ADRA1B: variants seen among roughly 807,000 people sequenced by gnomAD.
ADRA1B encodes alpha-1B adrenergic receptor.
A neutral mutation model predicts 17.9 loss-of-function variants in ADRA1B; 17 were observed. The observed-to-expected ratio is 0.95, with a 90% CI of 0.65 to 1.42. The LOEUF is 1.42. ADRA1B is among the 40% of genes most tolerant of loss of function. The pLI is 0.00. For synonymous variants in ADRA1B, 366 were observed against 327.6 expected (o/e 1.12, Z -1.27); for missense variants, 681 against 722.1 (o/e 0.94, Z 0.65).
At chr5:159,985,488 C>A in the ADRA1B span, among the ~76,000 whole-genome samples, 1 of 152,190 alleles carries the variant, frequency 6.6e-6, no homozygotes, top group African/African-American at 2.4e-5. Context: ...TCTGGCCAGG[C>A]CCCAAGTAGT....
intron 1 of ADRA1B, among the ~76,000 whole-genome samples, chr5:159,938,407 T>C (rs944336284): frequency 6.6e-6 from 1 of 152,248 alleles, no homozygotes; most frequent in African/African-American, 2.4e-5. Flanking sequence ...TTAGGGAATA[T>C]GGAAGACCAC....
At chr5:159,941,058 G>A (rs372482379) in intron 1 of ADRA1B, among the ~76,000 whole-genome samples, 1 of 152,182 alleles carries the variant, frequency 6.6e-6, no homozygotes, top group Non-Finnish European at 1.5e-5. Context: ...TCACTTCTCC[G>A]ATAACTTTAT....
chr5:159,971,617 C>G (rs771564981), intron 1 of ADRA1B, among the ~76,000 whole-genome samples: 2 of 152,134 alleles, frequency 1.3e-5, no homozygotes, highest in Non-Finnish European at 2.9e-5. Flanking sequence ...ACTATAGGAG[C>G]TTAGATGCTG....
In ADRA1B at chr5:159,972,602, A is replaced by C; in HGVS notation, c.*110A>C. On this transcript the variant is annotated 3_prime_UTR_variant, in exon 2 of 2. Coordinates refer to ENST00000306675, the MANE Select transcript of ADRA1B (RefSeq NM_000679.4). Reference sequence around the variant, plus strand: ...TCCACGCCGGGTAGACGCGCGCCCCAAGGGGAACCGGGGGGAGGGCCGGGG... The same window carrying C: ...TCCACGCCGGGTAGACGCGCGCCCCCAGGGGAACCGGGGGGAGGGCCGGGG... 3 of 563,056 alleles carry C rather than the reference A, an allele frequency of 5.3e-6. No homozygotes were observed. The highest frequency in any genetic ancestry group is 5.3e-5 in the Admixed American group (1 of 18,860). 34.9% of individuals were successfully genotyped at this position (563,056 alleles called of 1,614,324 possible).
intron 1 of ADRA1B, among the ~76,000 whole-genome samples, chr5:159,876,890 G>A (rs145692471): frequency 4.6e-5 from 7 of 152,290 alleles, no homozygotes; most frequent in South Asian, 2.1e-4. Flanking sequence ...CCCTTTCACC[G>A]TTAGGGGCCT....
At chr5:159,929,525 C>T (rs1023830494) in intron 1 of ADRA1B, among the ~76,000 whole-genome samples, 2 of 150,706 alleles carry the variant, frequency 1.3e-5, no homozygotes, top group Admixed American at 6.6e-5. Flanking sequence ...AGAATAAAAA[C>T]CCTGCCTCGG....
intron 1 of ADRA1B, among the ~76,000 whole-genome samples, chr5:159,949,008 A>T (rs565537094): frequency 3.9e-5 from 6 of 152,198 alleles, no homozygotes; most frequent in Non-Finnish European, 7.3e-5. Context: ...AGTGACATAG[A>T]TAATAAGTAG....
At chr5:159,965,533 T>C (rs923393576) in intron 1 of ADRA1B, among the ~76,000 whole-genome samples, 28 of 152,232 alleles carry the variant, frequency 1.8e-4, no homozygotes, top group African/African-American at 6.5e-4. Context: ...AAACGATCCC[T>C]GCCACACATC....
At chr5:159,934,766 C>T (rs535327702) in intron 1 of ADRA1B, among the ~76,000 whole-genome samples, 44 of 150,422 alleles carry the variant, frequency 2.9e-4, no homozygotes, top group African/African-American at 9.8e-4. Context: ...CAGTAAGCGC[C>T]GAGATTGCAC....
intron 1 of ADRA1B, among the ~76,000 whole-genome samples, chr5:159,942,781 A>G (rs2113235720): frequency 6.6e-6 from 1 of 152,378 alleles, no homozygotes; most frequent in African/African-American, 2.4e-5. Context: ...TACATAGAAA[A>G]AAACTGGAAG....
intron 1 of ADRA1B, among the ~76,000 whole-genome samples, chr5:159,930,173 C>T (rs1004915001): frequency 6.6e-6 from 1 of 152,172 alleles, no homozygotes; most frequent in Non-Finnish European, 1.5e-5. Flanking sequence ...TTACTACAAA[C>T]AATGTTGGAT....
At chr5:159,980,139 G>C in the ADRA1B span, among the ~76,000 whole-genome samples, 4 of 152,030 alleles carry the variant, frequency 2.6e-5, no homozygotes, top group Non-Finnish European at 2.9e-5. Context: ...TGGTTAGGGG[G>C]CCCTGACAAC....
At chr5:159,924,479 G>A (rs895620082) in intron 1 of ADRA1B, among the ~76,000 whole-genome samples, 4 of 152,132 alleles carry the variant, frequency 2.6e-5, no homozygotes, top group African/African-American at 9.7e-5. Context: ...AAGAAGTGAC[G>A]GCAAGAAAGA....
intron 1 of ADRA1B, among the ~76,000 whole-genome samples, chr5:159,921,256 G>T (rs536115458): frequency 7.2e-5 from 11 of 152,178 alleles, no homozygotes; most frequent in Non-Finnish European, 1.5e-4. Flanking sequence ...CCAGGGACCA[G>T]TGCTCACTTA....
Position 159,917,364 on chromosome 5 carries a change from T to A in ADRA1B, c.459T>A (p.Tyr153Ter), listed in dbSNP as rs1754347882. 6.2e-7 allele frequency: 1 copy of A among 1,614,136 alleles called. No individual in the cohort carries two copies. The highest frequency in any genetic ancestry group is 8.5e-7 in the Non-Finnish European group (1 of 1,180,024). The change falls in exon 1 of 2, where the codon TAT (tyrosine) becomes TAA (stop). Residue 153 changes from tyrosine (Y) to a stop codon, truncating the protein, a stop_gained. Coordinates refer to ENST00000306675, the MANE Select transcript of ADRA1B (RefSeq NM_000679.4). LOFTEE classifies it high-confidence loss of function. ...RYIGVRYSLQYPTLVTRRKAI... is the reference protein window; with the variant it reads ...RYIGVRYSLQ The stretch of plus-strand genomic sequence containing the variant: ...TCGGGGTGCGCTACTCTCTGCAGTA[T>A]CCCACGCTGGTCACCCGGAGGAAGG...
chr5:159,987,296 GC>G, the ADRA1B span, among the ~76,000 whole-genome samples: 13 of 152,220 alleles, frequency 8.5e-5, no homozygotes, highest in Non-Finnish European at 1.9e-4. Flanking sequence ...CGGCGGGGGC[GC>G]CCAGGTGCGC....
At chr5:159,899,139 C>A (rs1754067697) in intron 1 of ADRA1B, among the ~76,000 whole-genome samples, 1 of 146,936 alleles carries the variant, frequency 6.8e-6, no homozygotes, top group Non-Finnish European at 1.5e-5. Flanking sequence ...AAAGTGAGAC[C>A]CTGTCAGGAA....
At chr5:159,907,984 C>G (rs962648570) in intron 1 of ADRA1B, among the ~76,000 whole-genome samples, 1 of 151,672 alleles carries the variant, frequency 6.6e-6, no homozygotes, top group Non-Finnish European at 1.5e-5. Context: ...CACACACACA[C>G]AGAGTTGGTT....
At chr5:159,988,090 C>G in the ADRA1B span, among the ~76,000 whole-genome samples, 20 of 152,034 alleles carry the variant, frequency 1.3e-4, no homozygotes, top group African/African-American at 4.6e-4. Context: ...CACAAGGGGT[C>G]TTATAAGAGG....
Sources: allele counts gnomAD v4.1 joint callset (sites outside exome capture counted in the v4.1 genomes callset), GRCh38; gene constraint gnomAD v4.1.1; transcripts MANE v1.5; gene names NCBI Gene and HGNC (gene_info 2026-07-23, HGNC 2026-07-21).